The following MPPED2 variants were observed in gnomAD, a reference collection of about 807,000 sequenced individuals.
The protein encoded by MPPED2 is metallophosphoesterase domain containing 2, also known as metallophosphoesterase MPPED2.
MPPED2 carries 5 observed loss-of-function variants against 33.0 expected under a neutral mutation model. The observed-to-expected ratio is 0.15, with a 90% confidence interval of 0.08 to 0.32. The LOEUF is 0.32. Ranked by LOEUF, MPPED2 falls within the 10% of genes least tolerant of loss-of-function variation. The pLI is 1.00. For missense variants in MPPED2, 275 were observed against 372.1 expected, an observed-to-expected ratio of 0.74 and a Z score of 2.15; for synonymous variants, 136 against 141.9, an observed-to-expected ratio of 0.96 and a Z score of 0.29.
At chr11:30,584,273 GGTTT>G (rs1957335479) in intron 1 of MPPED2, 1 of 151,634 alleles carries the variant, frequency 6.6e-6, no homozygotes, top group Non-Finnish European at 1.5e-5. Context: ...ACTTTGGATT[GGTTT>G]GTTTGTTTTA....
intron 2 of MPPED2, among the ~76,000 whole-genome samples, chr11:30,551,362 T>C (rs1955703226): frequency 6.6e-6 from 1 of 152,224 alleles, no homozygotes. Context: ...TCAGAGATGC[T>C]ATAAATCATG....
intron 4 of MPPED2, among the ~76,000 whole-genome samples, chr11:30,484,337 A>G (rs910289802): frequency 6.6e-6 from 1 of 152,158 alleles, no homozygotes; most frequent in African/African-American, 2.4e-5. Flanking sequence ...TTCTTGCTAC[A>G]AATTTTATAC....
At chr11:30,528,740 G>A (rs1044867396) in intron 3 of MPPED2, among the ~76,000 whole-genome samples, 1 of 152,154 alleles carries the variant, frequency 6.6e-6, no homozygotes, top group African/African-American at 2.4e-5. Context: ...CTACAAGTGT[G>A]TGCCACTGCA....
chr11:30,446,165 C>T (rs965156828), intron 4 of MPPED2, among the ~76,000 whole-genome samples: 3 of 152,208 alleles, frequency 2.0e-5, no homozygotes, highest in African/African-American at 7.2e-5. Context: ...AAGTCAAAGG[C>T]TATGAGTTCC....
At chr11:30,405,016 C>G (rs772710704) in intron 6 of MPPED2, among the ~76,000 whole-genome samples, 1 of 152,028 alleles carries the variant, frequency 6.6e-6, no homozygotes, top group Non-Finnish European at 1.5e-5. Context: ...CACAGCTGGA[C>G]GTATATGTGG....
downstream of MPPED2, chr11:30,410,194 T>G: frequency 1.0e-6 from 1 of 985,814 alleles, no homozygotes; most frequent in Non-Finnish European, 1.2e-6. Context: ...ACTACCATCC[T>G]CCACCATCCA....
chr11:30,393,485 G>A (rs1947804542), intron 6 of MPPED2, among the ~76,000 whole-genome samples: 1 of 152,062 alleles, frequency 6.6e-6, no homozygotes, highest in South Asian at 2.1e-4. Flanking sequence ...TCTGTCCAGG[G>A]ATGGTTTGGC....
intron 2 of MPPED2, among the ~76,000 whole-genome samples, chr11:30,577,667 C>A (rs1590927701): frequency 6.6e-6 from 1 of 152,148 alleles, no homozygotes; most frequent in South Asian, 2.1e-4. Flanking sequence ...GATCCCTGAC[C>A]ACCTACCATA....
intron 3 of MPPED2, among the ~76,000 whole-genome samples, chr11:30,496,743 C>T (rs922453873): frequency 2.0e-5 from 3 of 152,020 alleles, no homozygotes; most frequent in African/African-American, 7.2e-5. Flanking sequence ...GAGCAAGTTC[C>T]ATCGTCAGTC....
At chr11:30,538,811 G>A (rs1233242804) in intron 2 of MPPED2, among the ~76,000 whole-genome samples, 1 of 152,108 alleles carries the variant, frequency 6.6e-6, no homozygotes, top group Admixed American at 6.6e-5. Context: ...TCGATTCAAG[G>A]CAGGGGATGG....
chr11:30,540,949 T>C (rs1396672136), intron 2 of MPPED2, among the ~76,000 whole-genome samples: 4 of 152,198 alleles, frequency 2.6e-5, no homozygotes, highest in Non-Finnish European at 4.4e-5. Context: ...TCCTCCCAGA[T>C]ACAATTTCAC....
intron 3 of MPPED2, among the ~76,000 whole-genome samples, chr11:30,506,515 T>C (rs1288096170): frequency 3.9e-5 from 6 of 152,192 alleles, no homozygotes; most frequent in African/African-American, 7.2e-5. Flanking sequence ...TATGTTTATT[T>C]TTCCCCCACA....
chr11:30,534,837 A>C (rs896140239), intron 3 of MPPED2, among the ~76,000 whole-genome samples: 1 of 152,238 alleles, frequency 6.6e-6, no homozygotes, highest in African/African-American at 2.4e-5. Flanking sequence ...TTAAATGCTC[A>C]TTTTTAGAGA....
intron 6 of MPPED2, among the ~76,000 whole-genome samples, chr11:30,401,639 G>A (rs1242136787): frequency 6.6e-6 from 1 of 152,234 alleles, no homozygotes; most frequent in East Asian, 1.9e-4. Flanking sequence ...AAGGTCAATT[G>A]TAATTTTTCA....
chr11:30,468,111 C>A (rs1950790841), intron 4 of MPPED2, among the ~76,000 whole-genome samples: 1 of 152,100 alleles, frequency 6.6e-6, no homozygotes, highest in African/African-American at 2.4e-5. Flanking sequence ...CATCTGTGTA[C>A]CACCTGTACT....
rs1048198364 is a variant in MPPED2, at chr11:30,404,521, C to T, written c.766+9707G>A. Among the ~76,000 whole-genome samples, 9 of 152,214 alleles carry T rather than the reference C, an allele frequency of 5.9e-5. No homozygotes were observed. In the South Asian group the frequency reaches 1.9e-3, roughly 32 times the overall value. ...ATGAAGCTACTTGGGATTGACACTG[C>T]CATTAGCAGGCAGACTCCCTTTCCT... On this transcript the variant is annotated intron_variant, in intron 6 of 6. Transcript: ENST00000448418.
rs201481485 is a variant in MPPED2 at position 30,569,698 on chromosome 11, CA to C, written c.128+10547del. Among the ~76,000 whole-genome samples, 1,391 of 152,286 alleles carry C rather than the reference CA, an allele frequency of 9.1e-3. 27 individuals carry two copies. The highest frequency in any genetic ancestry group is 0.05 in the Admixed American group (769 of 15,298). ...TGATTTTTTAAAAAATATTGAAATA[CA>C]AGCCTAAAAGTTTTGAATTATCCCA... On this transcript the variant is annotated intron_variant, in intron 2 of 6. Transcript: ENST00000358117.
intron 4 of MPPED2, among the ~76,000 whole-genome samples, chr11:30,463,451 A>G (rs1950585871): frequency 6.6e-6 from 1 of 152,172 alleles, no homozygotes; most frequent in African/African-American, 2.4e-5. Context: ...GGCTAAGGCC[A>G]TTTGTGCATT....
At chr11:30,557,652 T>C (rs908157665) in intron 2 of MPPED2, among the ~76,000 whole-genome samples, 2 of 152,258 alleles carry the variant, frequency 1.3e-5, no homozygotes, top group African/African-American at 4.8e-5. Flanking sequence ...ACCTTGGTGC[T>C]GTTAACAATG....
Sources: allele counts gnomAD v4.1 joint callset (sites outside exome capture counted in the v4.1 genomes callset), GRCh38; gene constraint gnomAD v4.1.1; transcripts MANE v1.5; gene names NCBI Gene and HGNC (gene_info 2026-07-23, HGNC 2026-07-21).